The following GPBP1 variants were observed in gnomAD, a reference collection of about 807,000 sequenced individuals.
GPBP1 encodes vasculin.
GPBP1 carries 13 observed loss-of-function variants against 56.5 expected under a neutral mutation model. The observed-to-expected ratio is 0.23, with a 90% CI of 0.15 to 0.37. The LOEUF (loss-of-function observed/expected upper bound fraction) is 0.37, where lower values mean the gene tolerates loss of function less well. GPBP1 is among the 10% of genes least tolerant of loss of function. The pLI is 1.00. For missense variants in GPBP1, 477 were observed against 572.3 expected, an observed-to-expected ratio of 0.83 and a Z score of 1.70; for synonymous variants, 204 against 188.9, an observed-to-expected ratio of 1.08 and a Z score of -0.66.
At chr5:57,202,536 G>A (rs72761777) in intron 2 of GPBP1, among the ~76,000 whole-genome samples, 5,722 of 152,222 alleles carry the variant, frequency 0.038, 158 homozygotes, top group African/African-American at 0.069. Flanking sequence ...TGATCAGCCT[G>A]TTTCAGCCTC....
Position 57,249,482 on chromosome 5 carries a change from T to C in GPBP1, c.878T>C (p.Met293Thr), listed in dbSNP as rs1053304246. The change falls in exon 9 of 12, where the codon ATG becomes ACG. Residue 293 changes from methionine to threonine, a missense_variant. Coordinates refer to ENST00000506184, the MANE Select transcript of GPBP1 (RefSeq NM_022913.4). ...QQPRLTKLTR[M>T]RTDKKSEFLK... Reference sequence around the variant, plus strand: ...CCTCGTCTAACCAAACTGACACGAATGCGCACTGATAAGAAGAGTGAATTT... The same window carrying C: ...CCTCGTCTAACCAAACTGACACGAACGCGCACTGATAAGAAGAGTGAATTT... 4.3e-6 allele frequency: 7 copies of C among 1,612,956 alleles called. No individual in the cohort carries two copies. Among genetic ancestry groups the C allele is most frequent in the Non-Finnish European group, 5.9e-6 (7 of 1,179,506 alleles).
intron 10 of GPBP1, among the ~76,000 whole-genome samples, chr5:57,258,268 A>G (rs1741747196): frequency 6.6e-6 from 1 of 152,230 alleles, no homozygotes; most frequent in African/African-American, 2.4e-5. Flanking sequence ...GCATTGCTTA[A>G]TGACAGGGAT....
chr5:57,229,218 A>G (rs4444928), intron 3 of GPBP1, among the ~76,000 whole-genome samples: 105,039 of 137,126 alleles, frequency 0.77, 40,938 homozygotes, highest in East Asian at 0.99. Context: ...GCGACAGAAC[A>G]AGACTCCATC....
chr5:57,217,927 T>C (rs1051172024), intron 3 of GPBP1, among the ~76,000 whole-genome samples: 1 of 152,160 alleles, frequency 6.6e-6, no homozygotes, highest in Non-Finnish European at 1.5e-5. Context: ...TTCTCATAAA[T>C]ACTAGTTAAT....
At chr5:57,192,076 C>G (rs540522794) in intron 2 of GPBP1, among the ~76,000 whole-genome samples, 2 of 151,982 alleles carry the variant, frequency 1.3e-5, no homozygotes, top group Non-Finnish European at 2.9e-5. Context: ...TATATAGATC[C>G]CTTGCAAGGA....
chr5:57,216,575 T>G (rs996695188), intron 3 of GPBP1, among the ~76,000 whole-genome samples: 1 of 151,838 alleles, frequency 6.6e-6, no homozygotes, highest in Admixed American at 6.6e-5. Context: ...ATACAAAAAT[T>G]AGCTAGGTGC....
chr5:57,192,232 A>AT (rs1180290094), intron 2 of GPBP1, among the ~76,000 whole-genome samples: 1 of 151,966 alleles, frequency 6.6e-6, no homozygotes, highest in Non-Finnish European at 1.5e-5. Flanking sequence ...GGGTGCCTTA[A>AT]TTTTTTTCTT....
intron 3 of GPBP1, among the ~76,000 whole-genome samples, chr5:57,229,963 G>GTCCCGTCCCGTCCCA (rs1756376496): frequency 6.7e-6 from 1 of 149,008 alleles, no homozygotes; most frequent in Non-Finnish European, 1.5e-5. Flanking sequence ...GTCCCGTCCC[G>GTCCCGTCCCGTCCCA]TCCCGTCCCT....
intron 5 of GPBP1, among the ~76,000 whole-genome samples, chr5:57,232,960 TAGAG>T (rs914086171): frequency 6.6e-6 from 1 of 152,232 alleles, no homozygotes; most frequent in South Asian, 2.1e-4. Context: ...TAGACAAGGT[TAGAG>T]AGAGAGGAAA....
At chr5:57,256,994 T>A (rs927709052) in intron 10 of GPBP1, among the ~76,000 whole-genome samples, 1 of 152,116 alleles carries the variant, frequency 6.6e-6, no homozygotes, top group South Asian at 2.1e-4. Flanking sequence ...TAAATACTCA[T>A]ATTAGTTGAA....
Position 57,203,659 on chromosome 5 carries a change from A to G in GPBP1, c.-57-10415A>G, listed in dbSNP as rs1202537471. 3.3e-5 allele frequency among the ~76,000 whole-genome samples: 5 copies of G among 152,314 alleles called. No individual in the cohort carries two copies. In the East Asian group the frequency reaches 9.6e-4, roughly 29 times the overall value. ...GATTCTGTCTCAAAGAAAAAAGAAA[A>G]AGAGCATAGAAAGGTGCTGACAGCT... On this transcript the variant is annotated intron_variant, in intron 2 of 11. Transcript: ENST00000506184.
chr5:57,225,563 G>A (rs895945158), intron 3 of GPBP1, among the ~76,000 whole-genome samples: 4 of 149,492 alleles, frequency 2.7e-5, no homozygotes, highest in African/African-American at 9.9e-5. Context: ...AAAAAACTCC[G>A]ACAGATTCTA....
At chr5:57,253,329 A>G (rs1189042672) in intron 10 of GPBP1, among the ~76,000 whole-genome samples, 3 of 152,206 alleles carry the variant, frequency 2.0e-5, no homozygotes, top group East Asian at 3.8e-4. Flanking sequence ...TTTTTAACTT[A>G]AAAAGTCTTA....
chr5:57,182,671 T>G (rs762154492), intron 2 of GPBP1, among the ~76,000 whole-genome samples: 1 of 151,090 alleles, frequency 6.6e-6, no homozygotes, highest in Non-Finnish European at 1.5e-5. Context: ...GCACTCGGCT[T>G]CTTCTCTTTA....
intron 5 of GPBP1, among the ~76,000 whole-genome samples, chr5:57,231,760 C>T (rs1756471137): frequency 6.6e-6 from 1 of 152,116 alleles, no homozygotes; most frequent in Admixed American, 6.5e-5. Context: ...ATATGAGTGA[C>T]TCTGAGTCAG....
At chr5:57,190,377 G>A (rs1385909901) in intron 2 of GPBP1, among the ~76,000 whole-genome samples, 2 of 151,998 alleles carry the variant, frequency 1.3e-5, no homozygotes, top group Non-Finnish European at 2.9e-5. Context: ...CTGAGGTCAG[G>A]AGTTCAAGAC....
At chr5:57,176,606 T>A (rs1428395319) in intron 2 of GPBP1, among the ~76,000 whole-genome samples, 4 of 152,226 alleles carry the variant, frequency 2.6e-5, no homozygotes, top group African/African-American at 9.6e-5. Context: ...TAGGAACTTT[T>A]CAGATTCAAA....
intron 2 of GPBP1, among the ~76,000 whole-genome samples, chr5:57,177,360 A>AT (rs374669266): frequency 2.0e-5 from 3 of 151,558 alleles, no homozygotes; most frequent in Admixed American, 6.6e-5. Flanking sequence ...CTAAAATTTA[A>AT]TTTTTTTTTC....
At chr5:57,190,764 C>T (rs1754487672) in intron 2 of GPBP1, among the ~76,000 whole-genome samples, 1 of 119,756 alleles carries the variant, frequency 8.4e-6, no homozygotes, top group African/African-American at 3.2e-5. Context: ...CTAGAGTGTG[C>T]TCCATTATCA....
Sources: allele counts gnomAD v4.1 joint callset (sites outside exome capture counted in the v4.1 genomes callset), GRCh38; gene constraint gnomAD v4.1.1; transcripts MANE v1.5; gene names NCBI Gene and HGNC (gene_info 2026-07-23, HGNC 2026-07-21).